The following ARHGAP32 variants were observed in gnomAD, a reference collection of about 807,000 sequenced individuals.
ARHGAP32 encodes the protein rho GTPase-activating protein 32.
ARHGAP32 carries 51 observed loss-of-function variants against 186.5 expected under a neutral mutation model. The observed-to-expected ratio is 0.27, with a 90% CI of 0.22 to 0.35. ARHGAP32 has a LOEUF of 0.35. Among genes scored for constraint, ARHGAP32 ranks in the 10% least tolerant of loss-of-function variants. The pLI, the probability that ARHGAP32 is intolerant of heterozygous loss-of-function variation, is 1.00. For missense variants in ARHGAP32, 2,186 were observed against 2,623.5 expected (o/e 0.83, Z 3.64); for synonymous variants, 950 against 964.3 (o/e 0.99, Z 0.27).
chr11:129,193,598 T>TATTATATATAATATATA (rs1944328023), upstream of ARHGAP32, among the ~76,000 whole-genome samples: 1 of 33,992 alleles, frequency 2.9e-5, no homozygotes, highest in Non-Finnish European at 5.5e-5. Context: ...ATATATGTTA[T>TATTATATATAATATATA]ATATAATATA....
chr11:128,991,124 A>G (rs958410208), intron 12 of ARHGAP32, among the ~76,000 whole-genome samples: 1 of 152,194 alleles, frequency 6.6e-6, no homozygotes, highest in Non-Finnish European at 1.5e-5. Flanking sequence ...TATTAGATTC[A>G]TATCTGTTTA....
chr11:129,063,811 T>C (rs1331760258), intron 9 of ARHGAP32, 91 bp downstream of exon 9: 24 of 1,366,372 alleles, frequency 1.8e-5, no homozygotes, highest in Non-Finnish European at 2.9e-6. Context: ...TTTCATTTTT[T>C]TAAAAATTAA....
At position 128,972,411 on chromosome 11, in the gene ARHGAP32, G is replaced by T; in HGVS notation, c.4053+42C>A. The T allele has an allele frequency of 2.0e-6, 3 of 1,494,368 alleles. No individual in the cohort carries two copies. The African/African-American group carries it at 4.2e-5, about 21-fold the overall frequency. The allele number at this position is 1,494,368 out of a possible 1,614,324, so 92.6% of individuals were successfully genotyped here. ...CCTGCTGAAAAGTGACATACCTTTGGTAATAGTATATTTCATCTCACTGAT... is the reference window on the plus strand; with the variant it reads ...CCTGCTGAAAAGTGACATACCTTTGTTAATAGTATATTTCATCTCACTGAT... On this transcript the variant is annotated intron_variant, in intron 22 of 22. Transcript: ENST00000682385.
chr11:129,068,956 T>A (rs1040581947), intron 6 of ARHGAP32, among the ~76,000 whole-genome samples: 2 of 152,102 alleles, frequency 1.3e-5, no homozygotes, highest in Non-Finnish European at 1.5e-5. Context: ...CACACAGGTA[T>A]GTGAAAGAAC....
intron 5 of ARHGAP32, among the ~76,000 whole-genome samples, chr11:129,106,430 T>G (rs980347105): frequency 6.6e-6 from 1 of 152,098 alleles, no homozygotes; most frequent in Non-Finnish European, 1.5e-5. Flanking sequence ...AGCAGAAAAC[T>G]AAATACCAGA....
chr11:129,194,958 GGTT>G (rs1398680268), upstream of ARHGAP32, among the ~76,000 whole-genome samples: 1 of 139,158 alleles, frequency 7.2e-6, no homozygotes, highest in African/African-American at 2.7e-5. Flanking sequence ...TGGGGGGGGG[GGTT>G]GTTTTGTTTT....
intron 10 of ARHGAP32, among the ~76,000 whole-genome samples, chr11:129,052,738 T>C (rs1419077508): frequency 1.3e-5 from 2 of 152,170 alleles, no homozygotes; most frequent in East Asian, 3.8e-4. Flanking sequence ...GGTCTTCACA[T>C]AGTTGTCCCA....
Position 129,063,864 on chromosome 11 carries a change from C to T in ARHGAP32, c.885+38G>A, listed in dbSNP as rs369532551. 6.4e-6 allele frequency: 10 copies of T among 1,573,390 alleles called. No homozygotes were observed. The African/African-American group carries it at 1.4e-4, about 22-fold the overall frequency. On this transcript the variant is annotated intron_variant, in intron 9 of 22. Transcript: ENST00000682385. ...GTCAAAGATGAGGCCAGAAAGTTAG[C>T]AAGAACCAAATAACAAACAACCACT... is the stretch of plus-strand genomic sequence containing the variant.
rs557901597 is a variant in ARHGAP32 at position 129,138,326 on chromosome 11, G to A, written c.226-13432C>T. Among the ~76,000 whole-genome samples the A allele has an allele frequency of 1.7e-3, 251 of 143,994 alleles. 2 individuals are homozygous for A. Among genetic ancestry groups the A allele is most frequent in the Middle Eastern group, 3.7e-3 (1 of 272 alleles). The allele number at this position is 143,994 out of a possible 152,430, so 94.5% of individuals were successfully genotyped here. ...AAAAAAAAAAAAAAAGAACAATGCCGTCTTAAAAAGTAGAGCATCTCTAAC... is the reference window on the plus strand; with the variant it reads ...AAAAAAAAAAAAAAAGAACAATGCCATCTTAAAAAGTAGAGCATCTCTAAC... On this transcript the variant is annotated intron_variant, in intron 2 of 22. Coordinates refer to ENST00000682385, the MANE Select transcript of ARHGAP32 (RefSeq NM_001378024.1).
At chr11:128,981,274 G>A (rs1945699202) in intron 17 of ARHGAP32, 142 bp downstream of exon 17, 2 of 816,988 alleles carry the variant, frequency 2.4e-6, no homozygotes, top group African/African-American at 3.4e-5. Context: ...GTCAAATTGT[G>A]CATTTTGGTA....
At chr11:129,152,299 A>C (rs1354753046) in intron 2 of ARHGAP32, among the ~76,000 whole-genome samples, 1 of 152,152 alleles carries the variant, frequency 6.6e-6, no homozygotes, top group East Asian at 1.9e-4. Flanking sequence ...TGAATTCTAT[A>C]AGACACTGAA....
intron 1 of ARHGAP32, among the ~76,000 whole-genome samples, chr11:129,177,975 T>A (rs898884246): frequency 5.3e-5 from 8 of 151,924 alleles, no homozygotes; most frequent in Non-Finnish European, 1.2e-4. Flanking sequence ...TAAAGGGTAT[T>A]CAATTAGGAA....
intron 2 of ARHGAP32, among the ~76,000 whole-genome samples, chr11:129,132,855 T>C (rs1179164341): frequency 6.6e-6 from 1 of 152,166 alleles, no homozygotes; most frequent in Non-Finnish European, 1.5e-5. Context: ...ATGGAAAGAC[T>C]GAAATTCTCT....
chr11:128,986,988 C>T (rs1591503485), intron 13 of ARHGAP32, among the ~76,000 whole-genome samples: 1 of 152,142 alleles, frequency 6.6e-6, no homozygotes, highest in Non-Finnish European at 1.5e-5. Flanking sequence ...TTGCTAATGA[C>T]TTGAATATCC....
chr11:129,143,515 G>C (rs1260868400), intron 2 of ARHGAP32, among the ~76,000 whole-genome samples: 1 of 152,120 alleles, frequency 6.6e-6, no homozygotes, highest in Non-Finnish European at 1.5e-5. Context: ...CTACACTGTG[G>C]ACTACCCGCC....
intron 1 of ARHGAP32, among the ~76,000 whole-genome samples, chr11:129,177,013 G>T (rs1943931026): frequency 6.7e-6 from 1 of 148,894 alleles, no homozygotes; most frequent in South Asian, 2.1e-4. Flanking sequence ...TTTTTTGAAA[G>T]GATCAACAAA....
At chr11:129,269,688 T>A (rs774937305) in intron 1 of ARHGAP32, among the ~76,000 whole-genome samples, 3 of 151,910 alleles carry the variant, frequency 2.0e-5, no homozygotes, top group Non-Finnish European at 4.4e-5. Flanking sequence ...GATCACTCCA[T>A]CCTGGGTGAC....
In ARHGAP32 at chr11:128,981,577, T is replaced by C; in HGVS notation, c.1635-16A>G. On this transcript the variant is annotated splice_polypyrimidine_tract_variant and intron_variant, in intron 16 of 22. Transcript: ENST00000682385. Reference sequence around the variant, plus strand: ...CTGTTTTGATCTGTGAGGTAAACATTTTCATCACAGAGTTGTAAAGATAGC... The same window carrying C: ...CTGTTTTGATCTGTGAGGTAAACATCTTCATCACAGAGTTGTAAAGATAGC... 1.2e-6 allele frequency: 2 copies of C among 1,601,872 alleles called. No individual in the cohort carries two copies. Among genetic ancestry groups the C allele is most frequent in the Non-Finnish European group, 1.7e-6 (2 of 1,171,878 alleles).
chr11:129,204,769 C>T (rs1362236246), intron 1 of ARHGAP32, among the ~76,000 whole-genome samples: 2 of 152,166 alleles, frequency 1.3e-5, no homozygotes, highest in African/African-American at 4.8e-5. Context: ...GCATTTTTCT[C>T]AAATCACAAA....
Sources: gnomAD v4.1 joint callset for allele counts (sites outside exome capture counted in the v4.1 genomes callset) on GRCh38, gnomAD v4.1.1 for gene constraint, MANE v1.5 for transcripts, NCBI Gene and HGNC (gene_info 2026-07-23, HGNC 2026-07-21) for gene names.